Variants in LRRC4C observed in about 807,000 individuals in gnomAD.
LRRC4C encodes the protein leucine-rich repeat-containing protein 4C.
Under a neutral mutation model 33.6 loss-of-function variants are expected in LRRC4C, and 5 were observed. The observed-to-expected ratio is 0.15, with a 90% CI of 0.08 to 0.31. LRRC4C has a LOEUF of 0.31. Ranked by LOEUF, LRRC4C falls within the 10% of genes least tolerant of loss-of-function variation. LRRC4C has a pLI of 1.00. For missense variants in LRRC4C, 560 were observed against 796.7 expected (o/e 0.70, Z 3.58); for synonymous variants, 329 against 302.0 (o/e 1.09, Z -0.93).
chr11:41,205,981 C>G (rs1054825921), intron 1 of LRRC4C, among the ~76,000 whole-genome samples: 37 of 152,226 alleles, frequency 2.4e-4, no homozygotes, highest in African/African-American at 9.6e-5. Flanking sequence ...TGTTTCTACA[C>G]TGAAGTAGTA....
At chr11:41,157,743 G>A (rs1944296630) in intron 1 of LRRC4C, among the ~76,000 whole-genome samples, 1 of 151,922 alleles carries the variant, frequency 6.6e-6, no homozygotes, top group Non-Finnish European at 1.5e-5. Context: ...TTTTATTTAA[G>A]CTTTACGTTT....
intron 5 of LRRC4C, among the ~76,000 whole-genome samples, chr11:40,145,385 A>G (rs1174879269): frequency 1.3e-5 from 2 of 152,200 alleles, no homozygotes; most frequent in Non-Finnish European, 2.9e-5. Flanking sequence ...TCTAGGATCT[A>G]TGGAAATCCT....
intron 1 of LRRC4C, among the ~76,000 whole-genome samples, chr11:41,046,999 A>G (rs957672811): frequency 6.6e-6 from 1 of 152,170 alleles, no homozygotes; most frequent in Non-Finnish European, 1.5e-5. Flanking sequence ...GAAACCAAAG[A>G]AAAAATAAAT....
intron 5 of LRRC4C, among the ~76,000 whole-genome samples, chr11:40,234,056 A>C (rs1015719066): frequency 6.6e-6 from 1 of 152,216 alleles, no homozygotes; most frequent in Admixed American, 6.5e-5. Context: ...CCCCAAGGTC[A>C]TACAGTTAAC....
At chr11:40,937,960 T>C (rs1385556342) in intron 1 of LRRC4C, among the ~76,000 whole-genome samples, 1 of 152,114 alleles carries the variant, frequency 6.6e-6, no homozygotes, top group Non-Finnish European at 1.5e-5. Context: ...CCCAGCCTGC[T>C]CTTCTTTGTA....
rs559945702 is a variant in LRRC4C at position 40,175,818 on chromosome 11, A to G, written c.-95-34965T>C. Among the ~76,000 whole-genome samples the G allele has an allele frequency of 1.4e-3, 215 of 152,244 alleles. 1 individual carries two copies. In the South Asian group the frequency reaches 0.021, roughly 15 times the overall value. On this transcript the variant is annotated intron_variant, in intron 5 of 6. Coordinates refer to ENST00000528697, the MANE Select transcript of LRRC4C (RefSeq NM_001258419.2). The stretch of plus-strand genomic sequence containing the variant: ...CTCTCCAATGGTTTGACATGTTCCC[A>G]TCTTGTTTCCTGAACATATTCCTAA...
intron 2 of LRRC4C, among the ~76,000 whole-genome samples, chr11:40,651,505 A>G (rs1367956561): frequency 6.6e-6 from 1 of 152,196 alleles, no homozygotes; most frequent in Non-Finnish European, 1.5e-5. Flanking sequence ...CCACTGTCAT[A>G]TGCCACTTTT....
intron 1 of LRRC4C, among the ~76,000 whole-genome samples, chr11:41,221,288 GA>G (rs1245339365): frequency 0.014 from 1,630 of 119,188 alleles, 27 homozygotes; most frequent in African/African-American, 0.041. Context: ...ACCATCATAT[GA>G]AAAAAAAAAA....
intron 1 of LRRC4C, among the ~76,000 whole-genome samples, chr11:41,094,382 G>T (rs533434840): frequency 6.6e-6 from 1 of 151,692 alleles, no homozygotes; most frequent in East Asian, 2.0e-4. Flanking sequence ...AAAATTAGCC[G>T]GCCTGGTGGC....
chr11:40,934,221 T>C (rs1592129956), intron 1 of LRRC4C, among the ~76,000 whole-genome samples: 1 of 152,286 alleles, frequency 6.6e-6, no homozygotes, highest in Middle Eastern at 3.4e-3. Flanking sequence ...AGTCATTCTT[T>C]AATACCCAGC....
chr11:41,099,832 G>T (rs1941052401), intron 1 of LRRC4C, among the ~76,000 whole-genome samples: 1 of 151,972 alleles, frequency 6.6e-6, no homozygotes, highest in African/African-American at 2.4e-5. Context: ...TGGAATTTCT[G>T]GCCAGAGCAG....
intron 1 of LRRC4C, among the ~76,000 whole-genome samples, chr11:41,188,822 A>G (rs1328557360): frequency 6.6e-6 from 1 of 151,804 alleles, no homozygotes; most frequent in African/African-American, 2.4e-5. Flanking sequence ...GCTCTCTTAC[A>G]TATAGAACCA....
intron 1 of LRRC4C, among the ~76,000 whole-genome samples, chr11:41,205,981 C>T (rs1054825921): frequency 6.6e-6 from 1 of 152,108 alleles, no homozygotes; most frequent in Non-Finnish European, 1.5e-5. Flanking sequence ...TGTTTCTACA[C>T]TGAAGTAGTA....
At chr11:40,476,234 G>A (rs1953213909) in intron 3 of LRRC4C, among the ~76,000 whole-genome samples, 1 of 151,770 alleles carries the variant, frequency 6.6e-6, no homozygotes, top group East Asian at 1.9e-4. Flanking sequence ...ATACACTCAT[G>A]TATGGCATGG....
intron 1 of LRRC4C, among the ~76,000 whole-genome samples, chr11:40,934,113 T>C (rs1186776629): frequency 6.6e-6 from 1 of 152,240 alleles, no homozygotes; most frequent in Non-Finnish European, 1.5e-5. Flanking sequence ...TTAAACATAC[T>C]GTGCCTTTTC....
chr11:41,033,950 A>C (rs1856877760), intron 1 of LRRC4C, among the ~76,000 whole-genome samples: 1 of 152,088 alleles, frequency 6.6e-6, no homozygotes. Flanking sequence ...AAGAATGACA[A>C]AAAATAAAAG....
chr11:41,350,251 C>CTGTAATCCCAGCACTT (rs1446071255), intron 1 of LRRC4C, among the ~76,000 whole-genome samples: 1 of 152,124 alleles, frequency 6.6e-6, no homozygotes, highest in African/African-American at 2.4e-5. Flanking sequence ...TGGCTCACGC[C>CTGTAATCCCAGCACTT]TGTAATCCCA....
At chr11:40,921,104 G>A (rs188291170) in intron 2 of LRRC4C, among the ~76,000 whole-genome samples, 18 of 151,924 alleles carry the variant, frequency 1.2e-4, no homozygotes, top group African/African-American at 3.6e-4. Context: ...AAAAATTTTC[G>A]TAGAGACAAG....
chr11:40,866,698 T>C (rs1231088465), intron 2 of LRRC4C, among the ~76,000 whole-genome samples: 2 of 152,132 alleles, frequency 1.3e-5, no homozygotes, highest in African/African-American at 2.4e-5. Context: ...AATTGTGTGA[T>C]GACATTTGAC....
Sources: gnomAD v4.1 joint callset for allele counts (sites outside exome capture counted in the v4.1 genomes callset) on GRCh38, gnomAD v4.1.1 for gene constraint, MANE v1.5 for transcripts, NCBI Gene and HGNC (gene_info 2026-07-23, HGNC 2026-07-21) for gene names.